The following MAP2K4 variants were observed in gnomAD, a reference collection of about 807,000 sequenced individuals.
MAP2K4 encodes mitogen-activated protein kinase kinase 4.
MAP2K4 carries 4 observed loss-of-function variants against 48.5 expected under a neutral mutation model. The ratio of observed to expected loss-of-function variants is 0.08; its 90% CI spans 0.04 to 0.19. MAP2K4 has a LOEUF of 0.19. Among genes scored for constraint, MAP2K4 ranks in the 10% least tolerant of loss-of-function variants. MAP2K4 has a pLI of 1.00. For missense variants in MAP2K4, 258 were observed against 493.3 expected (o/e 0.52, Z 4.52); for synonymous variants, 166 against 173.1 (o/e 0.96, Z 0.32).
chr17:12,086,356 A>G (rs1423213252), intron 3 of MAP2K4, among the ~76,000 whole-genome samples: 3 of 152,170 alleles, frequency 2.0e-5, no homozygotes, highest in Non-Finnish European at 2.9e-5. Flanking sequence ...AGGAGGAGAC[A>G]TATTCAAGGG....
Position 12,029,340 on chromosome 17 carries a change from TTAAA to T in MAP2K4, c.115+8346_115+8349del, listed in dbSNP as rs538107250. Among the ~76,000 whole-genome samples the T allele has an allele frequency of 3.9e-5, 6 of 152,352 alleles. No homozygotes were observed. The South Asian group carries it at 6.2e-4, about 16-fold the overall frequency. ...TGTCAAGAATTAAGAATTTAAATTC[TTAAA>T]TAAATATTATTCTTGATATTTATTC... On this transcript the variant is annotated intron_variant, in intron 1 of 10. Coordinates refer to ENST00000353533, the MANE Select transcript of MAP2K4 (RefSeq NM_003010.4).
chr17:12,082,370 T>TA (rs1392272134), intron 3 of MAP2K4, among the ~76,000 whole-genome samples: 2 of 152,180 alleles, frequency 1.3e-5, no homozygotes, highest in African/African-American at 4.8e-5. Context: ...GAAAAAAAGC[T>TA]AGCTGTGGCC....
rs138715568 is a variant in MAP2K4, at chr17:12,142,719, C to G, written c.*1459C>G. On this transcript the variant is annotated 3_prime_UTR_variant, in exon 11 of 11. Transcript: ENST00000353533. ...AAAAAGCAAAACAAAACCCTCAGCACTGTTACAAGAGGCCATTTAAGTATC... is the reference window on the plus strand; with the variant it reads ...AAAAAGCAAAACAAAACCCTCAGCAGTGTTACAAGAGGCCATTTAAGTATC... The G allele has an allele frequency of 8.2e-5, 19 of 233,074 alleles. 1 individual carries two copies. Among genetic ancestry groups the G allele is most frequent in the African/African-American group, 4.2e-4 (19 of 45,448 alleles). The allele number at this position is 233,074 out of a possible 1,614,324, so 14.4% of individuals were successfully genotyped here.
chr17:12,025,503 A>G (rs116068981), intron 1 of MAP2K4, among the ~76,000 whole-genome samples: 1,721 of 152,334 alleles, frequency 0.011, 29 homozygotes, highest in African/African-American at 0.038. Flanking sequence ...TGGTTAGAAT[A>G]GAATCTATAA....
At chr17:12,100,218 C>A (rs1010919892) in intron 4 of MAP2K4, among the ~76,000 whole-genome samples, 5 of 152,158 alleles carry the variant, frequency 3.3e-5, no homozygotes, top group Non-Finnish European at 5.9e-5. Flanking sequence ...TAGGTAATAC[C>A]TGCCACCTCT....
intron 1 of MAP2K4, among the ~76,000 whole-genome samples, chr17:12,028,013 T>G (rs1969316577): frequency 6.6e-6 from 1 of 152,142 alleles, no homozygotes; most frequent in South Asian, 2.1e-4. Context: ...AGGCTTTTGG[T>G]TGGACATTTT....
intron 9 of MAP2K4, among the ~76,000 whole-genome samples, chr17:12,129,953 TA>T (rs1406716378): frequency 1.3e-5 from 2 of 152,242 alleles, no homozygotes; most frequent in Non-Finnish European, 2.9e-5. Flanking sequence ...TAGGCTCTTT[TA>T]AATAAAATCT....
chr17:12,115,950 G>A (rs572788679), intron 7 of MAP2K4: 64 of 456,568 alleles, frequency 1.4e-4, no homozygotes, highest in South Asian at 1.3e-3. Context: ...GCTATGAATT[G>A]AGTGAACTCT....
At chr17:12,065,815 A>C (rs183040286) in intron 2 of MAP2K4, among the ~76,000 whole-genome samples, 40 of 152,268 alleles carry the variant, frequency 2.6e-4, no homozygotes, top group African/African-American at 9.6e-4. Context: ...TTCTCAAAGC[A>C]CCTATGTATT....
At chr17:12,043,392 G>T (rs1469767404) in intron 1 of MAP2K4, among the ~76,000 whole-genome samples, 2 of 152,096 alleles carry the variant, frequency 1.3e-5, no homozygotes, top group Non-Finnish European at 2.9e-5. Context: ...TCCAACAATT[G>T]AATTCATTTC....
chr17:12,048,649 A>T (rs915724798), intron 1 of MAP2K4, among the ~76,000 whole-genome samples: 12 of 151,608 alleles, frequency 7.9e-5, no homozygotes, highest in African/African-American at 2.7e-4. Context: ...TTCTTTATTT[A>T]TTTTTATTTA....
At chr17:12,117,397 G>C (rs1972536740) in intron 7 of MAP2K4, among the ~76,000 whole-genome samples, 1 of 151,716 alleles carries the variant, frequency 6.6e-6, no homozygotes, top group African/African-American at 2.4e-5. Flanking sequence ...TGTTGATTCA[G>C]TGTTCCCAAG....
At chr17:12,137,380 T>A (rs2151596729) in intron 9 of MAP2K4, among the ~76,000 whole-genome samples, 1 of 152,304 alleles carries the variant, frequency 6.6e-6, no homozygotes, top group Admixed American at 6.5e-5. Context: ...ATCAGTATAT[T>A]TAGGATGCTC....
At chr17:12,137,482 G>C (rs573749748) in intron 9 of MAP2K4, among the ~76,000 whole-genome samples, 1 of 152,250 alleles carries the variant, frequency 6.6e-6, no homozygotes, top group East Asian at 1.9e-4. Context: ...CATAGCTGTT[G>C]ATATAAAAGA....
At chr17:12,058,046 C>A (rs1346114401) in intron 2 of MAP2K4, among the ~76,000 whole-genome samples, 2 of 151,412 alleles carry the variant, frequency 1.3e-5, no homozygotes, top group African/African-American at 4.9e-5. Context: ...CTTTACTTTT[C>A]TGTGAGTATT....
intron 3 of MAP2K4, among the ~76,000 whole-genome samples, chr17:12,088,503 T>A (rs1164650875): frequency 3.8e-5 from 5 of 132,262 alleles, no homozygotes; most frequent in Non-Finnish European, 8.0e-5. Context: ...ATTTAATATA[T>A]TATCTATAAT....
chr17:12,095,461 A>C (rs1163431262), intron 3 of MAP2K4, 114 bp from the exon 4 acceptor site: 2 of 1,057,010 alleles, frequency 1.9e-6, no homozygotes, highest in South Asian at 2.6e-5. Flanking sequence ...GTATTTGTGA[A>C]GTTTGGTAAT....
intron 1 of MAP2K4, among the ~76,000 whole-genome samples, chr17:12,031,802 ATGTG>A (rs901779254): frequency 6.6e-6 from 1 of 152,134 alleles, no homozygotes; most frequent in Admixed American, 6.5e-5. Context: ...GAAATGTTTT[ATGTG>A]TGTGTAAGTT....
At chr17:12,108,260 G>A (rs756744346) in intron 5 of MAP2K4, among the ~76,000 whole-genome samples, 18 of 152,068 alleles carry the variant, frequency 1.2e-4, no homozygotes, top group Non-Finnish European at 2.4e-4. Context: ...AATCACAGCA[G>A]TCTCCTTGAA....
Sources: allele counts gnomAD v4.1 joint callset (sites outside exome capture counted in the v4.1 genomes callset), GRCh38; gene constraint gnomAD v4.1.1; transcripts MANE v1.5; gene names NCBI Gene and HGNC (gene_info 2026-07-23, HGNC 2026-07-21).